The following CLPB variants were observed in gnomAD, a reference collection of about 807,000 sequenced individuals.
CLPB encodes the protein ClpB family mitochondrial disaggregase, also known as mitochondrial disaggregase.
In CLPB, 40 loss-of-function variants were observed where a neutral mutation model predicts 78.4. That is an observed-to-expected ratio of 0.51 (90% confidence interval 0.40 to 0.66). CLPB has a LOEUF of 0.66. Among genes scored for constraint, CLPB ranks in the 30% least tolerant of loss-of-function variants. The probability of loss-of-function intolerance (pLI) is 0.00; values close to 1 mark genes in which losing one functional copy is unlikely to be tolerated. For synonymous variants in CLPB, 333 were observed against 348.0 expected, an observed-to-expected ratio of 0.96 and a Z score of 0.48; for missense variants, 780 against 886.9, an observed-to-expected ratio of 0.88 and a Z score of 1.53.
chr11:72,361,642 T>C (rs541981014), intron 4 of CLPB, among the ~76,000 whole-genome samples: 1 of 152,342 alleles, frequency 6.6e-6, no homozygotes, highest in East Asian at 1.9e-4. Context: ...AGGGCATCAC[T>C]GAACTGCCAC....
chr11:72,287,619 A>G lies in CLPB; in HGVS notation c.*5748T>C, dbSNP rs928602187. 2.0e-5 allele frequency: 3 copies of G among 152,328 alleles called. No homozygotes were observed. The highest frequency in any genetic ancestry group is 7.2e-5 in the African/African-American group (3 of 41,572). 9.4% of individuals were successfully genotyped at this position (152,328 alleles called of 1,614,324 possible). A position where few individuals can be genotyped will look rare whatever the true frequency, so the allele number is the denominator to read the frequency against. On this transcript the variant is annotated 3_prime_UTR_variant, in exon 16 of 16. Transcript: ENST00000538039. ...TGGGCCACCACCATGCCTGGCCATCAATCTTTTACAAGGATAAAATTTTAT... is the reference window on the plus strand; with the variant it reads ...TGGGCCACCACCATGCCTGGCCATCGATCTTTTACAAGGATAAAATTTTAT...
At chr11:72,387,797 C>T (rs1855126851) in intron 3 of CLPB, among the ~76,000 whole-genome samples, 2 of 152,088 alleles carry the variant, frequency 1.3e-5, no homozygotes, top group South Asian at 2.1e-4. Context: ...AATAGTCCTG[C>T]GTTAAGAAGG....
intron 6 of CLPB, among the ~76,000 whole-genome samples, chr11:72,328,577 G>A (rs1565440883): frequency 6.6e-6 from 1 of 152,156 alleles, no homozygotes; most frequent in Non-Finnish European, 1.5e-5. Flanking sequence ...TAAGTGCTTG[G>A]ACTCAAGACA....
At chr11:72,350,002 G>A (rs370159157) in intron 5 of CLPB, among the ~76,000 whole-genome samples, 6 of 152,264 alleles carry the variant, frequency 3.9e-5, no homozygotes, top group Non-Finnish European at 5.9e-5. Flanking sequence ...GATGAAATGC[G>A]GGGGCCTGGA....
intron 6 of CLPB, among the ~76,000 whole-genome samples, chr11:72,319,812 T>C (rs1464008421): frequency 6.6e-6 from 1 of 152,220 alleles, no homozygotes. Flanking sequence ...TATTAAACCT[T>C]TGATAAATGT....
chr11:72,367,554 C>T (rs1000197719), intron 4 of CLPB, among the ~76,000 whole-genome samples: 1 of 152,088 alleles, frequency 6.6e-6, no homozygotes, highest in African/African-American at 2.4e-5. Flanking sequence ...ACAATGGGTA[C>T]TCATGGACAT....
Position 72,347,222 on chromosome 11 carries a change from G to A in CLPB, c.775+11658C>T, listed in dbSNP as rs767595460. Among the ~76,000 whole-genome samples, 3 of 152,074 alleles carry A rather than the reference G, an allele frequency of 2.0e-5. 1 individual carries two copies. The highest frequency in any genetic ancestry group is 4.4e-5 in the Non-Finnish European group (3 of 68,010). ...AATTCTAGGGTAAAATTTTGATGAG[G>A]AGCAGGATATTTTTGTGGTCTTAAA... On this transcript the variant is annotated intron_variant, in intron 5 of 15. Transcript: ENST00000538039.
chr11:72,289,892 A>G lies in CLPB; in HGVS notation c.*3475T>C, dbSNP rs1180959546. 6.6e-6 allele frequency: 1 copy of G among 152,198 alleles called. No individual in the cohort carries two copies. Among genetic ancestry groups the G allele is most frequent in the African/African-American group, 2.4e-5 (1 of 41,444 alleles). 9.4% of individuals were successfully genotyped at this position (152,198 alleles called of 1,614,324 possible). The stretch of plus-strand genomic sequence containing the variant: ...TACCTGGCTCACGGTTTTTAATAAC[A>G]TACAGATGGATAGAATAATAAATTC... On this transcript the variant is annotated 3_prime_UTR_variant, in exon 16 of 16. Coordinates refer to ENST00000538039, the MANE Select transcript of CLPB (RefSeq NM_001258392.3).
chr11:72,410,520 T>C (rs1855845417), intron 2 of CLPB, among the ~76,000 whole-genome samples: 1 of 152,238 alleles, frequency 6.6e-6, no homozygotes, highest in African/African-American at 2.4e-5. Context: ...GCTTATACTA[T>C]TCTTATCACT....
Position 72,295,620 on chromosome 11 carries a change from G to C in CLPB, c.1358C>G (p.Thr453Ser). Residue 453 changes from threonine (T) to serine (S), a missense_variant, in exon 12 of 16, where the codon ACC (threonine) becomes AGC (serine). Thr to Ser is a moderately conservative substitution (Grantham distance 58, BLOSUM62 1). Coordinates refer to ENST00000538039, the MANE Select transcript of CLPB (RefSeq NM_001258392.3). ...EGRLTDGKGKTIDCKDAIFIM... is the reference protein window; with the variant it reads ...EGRLTDGKGKSIDCKDAIFIM... ...GAAGATGGCGTCCTTGCAATCAATG[G>C]TCTTCCCTTTTCCATCTGTCAGCCG... The C allele has an allele frequency of 6.2e-7, 1 of 1,614,078 alleles. No homozygotes were observed. The highest frequency in any genetic ancestry group is 8.5e-7 in the Non-Finnish European group (1 of 1,180,000).
At position 72,434,380 on chromosome 11, in the gene CLPB, G is replaced by A; in HGVS notation, c.95C>T (p.Ala32Val). 2 of 1,611,602 alleles carry A rather than the reference G, an allele frequency of 1.2e-6. No individual in the cohort carries two copies. The highest frequency in any genetic ancestry group is 1.7e-6 in the Non-Finnish European group (2 of 1,178,734). ...RSPTLRGHGG[A>V]SGRNVTTGSL... ...CCCAGTAGTCACATTCCGGCCGGAA[G>A]CACCTCCATGGCCCCGGAGCGTTGG... Residue 32 changes from alanine to valine, a missense_variant, in exon 1 of 16, where the codon GCT becomes GTT. By Grantham distance (64) the Ala-to-Val change is moderately conservative. Transcript: ENST00000538039.
At chr11:72,337,340 T>C (rs1286762965) in intron 5 of CLPB, among the ~76,000 whole-genome samples, 1 of 151,480 alleles carries the variant, frequency 6.6e-6, no homozygotes, top group Non-Finnish European at 1.5e-5. Flanking sequence ...GCACTTGTTA[T>C]GTGCCATAGC....
At chr11:72,354,243 G>T in intron 5 of CLPB, 1 of 392,602 alleles carries the variant, frequency 2.5e-6, no homozygotes, top group Non-Finnish European at 4.5e-6. Context: ...ATTGACTAGT[G>T]ATTTTCTCAA....
chr11:72,346,610 T>C (rs1315327301), intron 5 of CLPB, among the ~76,000 whole-genome samples: 3 of 150,476 alleles, frequency 2.0e-5, no homozygotes, highest in African/African-American at 7.3e-5. Context: ...GATGGAGATA[T>C]GCCACACTGG....
chr11:72,430,222 T>A, intron 2 of CLPB, 90 bp downstream of exon 2: 1 of 1,262,582 alleles, frequency 7.9e-7, no homozygotes, highest in Non-Finnish European at 1.1e-6. Flanking sequence ...AGGGTAAGGA[T>A]TTCCTCCAAA....
At chr11:72,429,907 C>A (rs1230092606) in intron 2 of CLPB, among the ~76,000 whole-genome samples, 1 of 152,236 alleles carries the variant, frequency 6.6e-6, no homozygotes, top group Non-Finnish European at 1.5e-5. Flanking sequence ...ATGGTCTCTT[C>A]CAGCTCTGTC....
chr11:72,389,388 CTTTG>C (rs1436198056), intron 3 of CLPB, among the ~76,000 whole-genome samples: 2 of 152,308 alleles, frequency 1.3e-5, no homozygotes, highest in East Asian at 3.9e-4. Flanking sequence ...GCAACTTCTC[CTTTG>C]TTCTGATGCT....
intron 3 of CLPB, among the ~76,000 whole-genome samples, chr11:72,391,172 A>C (rs892310253): frequency 6.6e-6 from 1 of 152,132 alleles, no homozygotes; most frequent in African/African-American, 2.4e-5. Context: ...TGGGGGCTGA[A>C]ATATTAAAGA....
At position 72,329,736 on chromosome 11, in the gene CLPB, T is replaced by C. The variant is rs773028492; in HGVS notation, c.844A>G (p.Met282Val). 3.3e-5 allele frequency: 54 copies of C among 1,613,910 alleles called. No homozygotes were observed. Among genetic ancestry groups the C allele is most frequent in the Admixed American group, 6.7e-5 (4 of 59,990 alleles). ...PLDYAREGEV[M>V]KLLRTSEAKY... The stretch of plus-strand genomic sequence containing the variant: ...GCTTCAGAAGTCCTCAGAAGCTTCA[T>C]CACTTCCCCTTCTCGGGCATAATCC... Residue 282 changes from methionine to valine, a missense_variant, in exon 6 of 16, where the codon ATG (methionine) becomes GTG (valine). By Grantham distance (21) the Met-to-Val change is conservative. Coordinates refer to ENST00000538039, the MANE Select transcript of CLPB (RefSeq NM_001258392.3).
Sources: gnomAD v4.1 joint callset for allele counts (sites outside exome capture counted in the v4.1 genomes callset) on GRCh38, gnomAD v4.1.1 for gene constraint, MANE v1.5 for transcripts, NCBI Gene and HGNC (gene_info 2026-07-23, HGNC 2026-07-21) for gene names.